NEO1: variants seen among roughly 807,000 people sequenced by gnomAD.
NEO1 encodes neogenin.
In NEO1, 63 loss-of-function variants were observed where a neutral mutation model predicts 159.7. The ratio of observed to expected loss-of-function variants is 0.39; its 90% CI spans 0.32 to 0.49. NEO1 has a LOEUF of 0.49. NEO1 is among the 20% of genes least tolerant of loss of function. The pLI, the probability that NEO1 is intolerant of heterozygous loss-of-function variation, is 0.85. For synonymous variants in NEO1, 633 were observed against 662.0 expected (o/e 0.96, Z 0.67); for missense variants, 1,615 against 1,831.0 (o/e 0.88, Z 2.15).
intron 7 of NEO1, among the ~76,000 whole-genome samples, chr15:73,211,356 T>C (rs1252144127): frequency 6.6e-6 from 1 of 152,186 alleles, no homozygotes; most frequent in East Asian, 1.9e-4. Context: ...GCCCCATTTA[T>C]GAACAGGCAG....
chr15:73,278,334 A>C, intron 22 of NEO1, 135 bp downstream of exon 22: 2 of 671,008 alleles, frequency 3.0e-6, no homozygotes, highest in Non-Finnish European at 5.0e-6. Flanking sequence ...TGCTAGATTT[A>C]AGTGTTTGCC....
intron 7 of NEO1, among the ~76,000 whole-genome samples, chr15:73,195,208 T>C (rs1214848454): frequency 1.3e-5 from 2 of 152,226 alleles, no homozygotes; most frequent in Non-Finnish European, 2.9e-5. Flanking sequence ...ATTATTTTGT[T>C]ATAAAGAAAG....
chr15:73,100,415 C>T (rs1334396230), intron 1 of NEO1, among the ~76,000 whole-genome samples: 1 of 151,694 alleles, frequency 6.6e-6, no homozygotes, highest in African/African-American at 2.4e-5. Context: ...ACTCACTGCA[C>T]CCTGTGCCTC....
At chr15:73,093,421 C>T (rs2069810359) in intron 1 of NEO1, among the ~76,000 whole-genome samples, 1 of 152,110 alleles carries the variant, frequency 6.6e-6, no homozygotes, top group Admixed American at 6.6e-5. Flanking sequence ...TGGAATTCTT[C>T]TGCATGGGGT....
chr15:73,171,467 G>A (rs1316327794), intron 5 of NEO1, among the ~76,000 whole-genome samples: 1 of 151,952 alleles, frequency 6.6e-6, no homozygotes, highest in Non-Finnish European at 1.5e-5. Flanking sequence ...GAGCGGCTGA[G>A]GCAGGAGGAT....
intron 1 of NEO1, among the ~76,000 whole-genome samples, chr15:73,102,548 A>G (rs1280798778): frequency 1.3e-5 from 2 of 152,288 alleles, no homozygotes; most frequent in East Asian, 1.9e-4. Context: ...TTCTCAATGT[A>G]TATCTAATGA....
chr15:73,218,136 C>T (rs566795456), intron 7 of NEO1, among the ~76,000 whole-genome samples: 17 of 152,046 alleles, frequency 1.1e-4, no homozygotes, highest in African/African-American at 3.4e-4. Context: ...TTAGCATGAA[C>T]GGCTGTTGAA....
chr15:73,105,451 A>G (rs1049308554), intron 1 of NEO1, among the ~76,000 whole-genome samples: 9 of 152,208 alleles, frequency 5.9e-5, no homozygotes, highest in Non-Finnish European at 7.3e-5. Context: ...GAATAAGGAC[A>G]TTTTCCTAAA....
chr15:73,257,692 G>T lies in NEO1; in HGVS notation c.2093-1074G>T, dbSNP rs193155470. 1.9e-3 allele frequency among the ~76,000 whole-genome samples: 286 copies of T among 152,214 alleles called. 2 individuals carry two copies. Among genetic ancestry groups the T allele is most frequent in the African/African-American group, 6.5e-3 (272 of 41,534 alleles). ...AGTTGTAGTCTATAAACTCTATAGG[G>T]TACTTAGAGGGAGAGGAACTCAGCC... On this transcript the variant is annotated intron_variant, in intron 13 of 28. Transcript: ENST00000261908.
chr15:73,228,452 A>T (rs1375711079), intron 7 of NEO1, among the ~76,000 whole-genome samples: 3 of 137,622 alleles, frequency 2.2e-5, no homozygotes, highest in South Asian at 2.2e-4. Context: ...TTCATTATGT[A>T]TTTTGGGTAT....
Position 73,155,417 on chromosome 15 carries a change from A to G in NEO1, c.1015+19390A>G, listed in dbSNP as rs186574275. ...TTTTACTTTGACTTTAGACAGTCTG[A>G]TTATAATATGCTGTGGTGCATATTC... On this transcript the variant is annotated intron_variant, in intron 5 of 28. Coordinates refer to ENST00000261908, the MANE Select transcript of NEO1 (RefSeq NM_002499.4). Among the ~76,000 whole-genome samples the G allele has an allele frequency of 2.1e-3, 321 of 152,248 alleles. 1 individual carries two copies. Among genetic ancestry groups the G allele is most frequent in the African/African-American group, 7.4e-3 (306 of 41,540 alleles).
chr15:73,224,917 A>G (rs1359659210), intron 7 of NEO1, among the ~76,000 whole-genome samples: 4 of 152,018 alleles, frequency 2.6e-5, no homozygotes, highest in Admixed American at 2.6e-4. Flanking sequence ...TTCTGGTTCC[A>G]TCTCATTTGG....
chr15:73,133,557 T>C (rs921686171), intron 4 of NEO1, among the ~76,000 whole-genome samples: 2 of 152,220 alleles, frequency 1.3e-5, no homozygotes, highest in African/African-American at 4.8e-5. Context: ...AAATAATTTT[T>C]TTGAAAGCCT....
intron 5 of NEO1, among the ~76,000 whole-genome samples, chr15:73,165,004 C>A (rs899703123): frequency 6.6e-6 from 1 of 151,968 alleles, no homozygotes; most frequent in South Asian, 2.1e-4. Context: ...TCATAACTCA[C>A]AGCAGCTTCG....
intron 1 of NEO1, among the ~76,000 whole-genome samples, chr15:73,064,388 C>G (rs944085340): frequency 2.0e-5 from 3 of 152,162 alleles, no homozygotes; most frequent in African/African-American, 7.2e-5. Flanking sequence ...CTCTTTGTCT[C>G]TCTCATTCTC....
At position 73,232,109 on chromosome 15, in the gene NEO1, T is replaced by C. The variant is rs143054696; in HGVS notation, c.1292-4238T>C. On this transcript the variant is annotated intron_variant, in intron 7 of 28. Coordinates refer to ENST00000261908, the MANE Select transcript of NEO1 (RefSeq NM_002499.4). ...ATGAGTCACACTTTATTTCTTTGCA[T>C]GTCTCTTCACTTTTGTTGAATATTG... 3.3e-3 allele frequency among the ~76,000 whole-genome samples: 506 copies of C among 152,322 alleles called. 2 individuals are homozygous for C. Among genetic ancestry groups the C allele is most frequent in the Non-Finnish European group, 5.2e-3 (354 of 68,014 alleles).
At chr15:73,287,037 C>T (rs940333125) in intron 23 of NEO1, among the ~76,000 whole-genome samples, 1 of 152,316 alleles carries the variant, frequency 6.6e-6, no homozygotes, top group African/African-American at 2.4e-5. Context: ...TTTCTCATTA[C>T]TCACAAAGGG....
At position 73,187,885 on chromosome 15, in the gene NEO1, A is replaced by G. The variant is rs573158646; in HGVS notation, c.1291+9458A>G. The stretch of plus-strand genomic sequence containing the variant: ...CAGTCCAACAGATTTTGGGACTGCT[A>G]TATATAAACATTATATTCTACGTTG... On this transcript the variant is annotated intron_variant, in intron 7 of 28. Coordinates refer to ENST00000261908, the MANE Select transcript of NEO1 (RefSeq NM_002499.4). 8.5e-5 allele frequency among the ~76,000 whole-genome samples: 13 copies of G among 152,320 alleles called. No homozygotes were observed. In the South Asian group the frequency reaches 1.5e-3, roughly 17 times the overall value.
chr15:73,165,741 C>G (rs2151908274), intron 5 of NEO1, among the ~76,000 whole-genome samples: 1 of 152,250 alleles, frequency 6.6e-6, no homozygotes, highest in East Asian at 1.9e-4. Flanking sequence ...AGAGAGAGGA[C>G]CCAGAAGAGG....
Sources: gnomAD v4.1 joint callset for allele counts (sites outside exome capture counted in the v4.1 genomes callset) on GRCh38, gnomAD v4.1.1 for gene constraint, MANE v1.5 for transcripts, NCBI Gene and HGNC (gene_info 2026-07-23, HGNC 2026-07-21) for gene names.